Variants in TRAPPC11 observed in about 807,000 individuals in gnomAD.
TRAPPC11 encodes trafficking protein particle complex subunit 11, also known as foie gras homolog.
A neutral mutation model predicts 151.2 loss-of-function variants in TRAPPC11; 104 were observed. The observed-to-expected ratio is 0.69, with a 90% confidence interval of 0.59 to 0.81. The LOEUF is 0.81. Ranked by LOEUF, TRAPPC11 falls within the 30% of genes least tolerant of loss-of-function variation. The probability of loss-of-function intolerance (pLI) is 0.00; values close to 1 mark genes in which losing one functional copy is unlikely to be tolerated. For missense variants in TRAPPC11, 1,230 were observed against 1,349.6 expected, an observed-to-expected ratio of 0.91 and a Z score of 1.39; for synonymous variants, 456 against 472.3, an observed-to-expected ratio of 0.97 and a Z score of 0.45.
chr4:183,660,683 A>C lies in TRAPPC11; in HGVS notation c.-22+1236A>C, dbSNP rs1374147275. On this transcript the variant is annotated intron_variant, in intron 1 of 29. Transcript: ENST00000334690. ...TAGTCTAGACTCGTTCATATTAAGC[A>C]AAGGGGCCCGTATTGTATTTTGGTC... 3.9e-5 allele frequency among the ~76,000 whole-genome samples: 6 copies of C among 152,172 alleles called. No individual in the cohort carries two copies. In the South Asian group the frequency reaches 6.2e-4, roughly 16 times the overall value.
chr4:183,691,581 G>T, intron 19 of TRAPPC11, 110 bp downstream of exon 19: 1 of 629,616 alleles, frequency 1.6e-6, no homozygotes. Context: ...TCTGCTACTT[G>T]GACTTCCTAA....
intron 7 of TRAPPC11, among the ~76,000 whole-genome samples, chr4:183,676,624 C>T (rs1735424557): frequency 6.6e-6 from 1 of 152,214 alleles, no homozygotes; most frequent in Admixed American, 6.5e-5. Context: ...GCCCTGTTCC[C>T]AGCAGGCCCT....
intron 29 of TRAPPC11, among the ~76,000 whole-genome samples, chr4:183,712,144 T>C (rs1737366795): frequency 6.6e-6 from 1 of 152,178 alleles, no homozygotes; most frequent in South Asian, 2.1e-4. Context: ...GGAACTTACC[T>C]GTCAGCTCAG....
chr4:183,685,131 A>G lies in TRAPPC11; in HGVS notation c.1615A>G (p.Ile539Val), dbSNP rs1389363919. 1 of 1,613,994 alleles carries G rather than the reference A, an allele frequency of 6.2e-7. No homozygotes were observed. ...DQKSRIEKNL[I>V]NVLMNESPDP... Reference sequence around the variant, plus strand: ...GAAGTCTCGGATAGAAAAGAACCTCATAAATGTTTTAATGGTAGGTTGGAA... The same window carrying G: ...GAAGTCTCGGATAGAAAAGAACCTCGTAAATGTTTTAATGGTAGGTTGGAA... The change falls in exon 16 of 30, where the codon ATA becomes GTA. Residue 539 changes from isoleucine (I) to valine (V), a missense_variant. Coordinates refer to ENST00000334690, the MANE Select transcript of TRAPPC11 (RefSeq NM_021942.6).
At chr4:183,710,344 T>C (rs889712762) in intron 29 of TRAPPC11, among the ~76,000 whole-genome samples, 1 of 151,872 alleles carries the variant, frequency 6.6e-6, no homozygotes, top group Non-Finnish European at 1.5e-5. Context: ...TGGAGTGCAG[T>C]GGCCCGATGT....
intron 18 of TRAPPC11, among the ~76,000 whole-genome samples, chr4:183,690,408 A>C (rs1736203074): frequency 6.6e-6 from 1 of 152,198 alleles, no homozygotes; most frequent in South Asian, 2.1e-4. Context: ...CATAGATAGA[A>C]ACATGAAAGC....
chr4:183,687,864 C>T (rs1187763254), intron 18 of TRAPPC11, among the ~76,000 whole-genome samples: 3 of 152,182 alleles, frequency 2.0e-5, no homozygotes, highest in Non-Finnish European at 2.9e-5. Flanking sequence ...ACACCCTCTA[C>T]GTTAACTTCT....
At chr4:183,665,283 A>G (rs1734811481) in intron 2 of TRAPPC11, among the ~76,000 whole-genome samples, 2 of 151,756 alleles carry the variant, frequency 1.3e-5, no homozygotes, top group East Asian at 1.9e-4. Context: ...TTTAGTAGAG[A>G]CGGGGTTTCA....
At chr4:183,681,776 AAG>A (rs1400122570) in intron 10 of TRAPPC11, among the ~76,000 whole-genome samples, 5 of 122,168 alleles carry the variant, frequency 4.1e-5, no homozygotes, top group South Asian at 3.5e-4. Context: ...CTGTCTCAAA[AAG>A]AAAAAAAAAG....
intron 11 of TRAPPC11, 106 bp from the exon 12 acceptor site, chr4:183,683,869 A>G (rs1472139272): frequency 1.1e-6 from 1 of 903,458 alleles, no homozygotes; most frequent in African/African-American, 1.7e-5. Flanking sequence ...AGAGTCTGAA[A>G]TGATTATATT....
chr4:183,682,731 G>C lies in TRAPPC11; in HGVS notation c.1114-1G>C. 2 of 1,601,216 alleles carry C rather than the reference G, an allele frequency of 1.2e-6. No individual in the cohort carries two copies. Among genetic ancestry groups the C allele is most frequent in the Non-Finnish European group, 1.7e-6 (2 of 1,172,438 alleles). ...ATTTAGGTTTGTGTTTTAATTTACA[G>C]GCTTCTGTAATGTATCCCAATCCTG... On this transcript the variant is annotated splice_acceptor_variant, in intron 10 of 29. Coordinates refer to ENST00000334690, the MANE Select transcript of TRAPPC11 (RefSeq NM_021942.6). LOFTEE classifies it high-confidence loss of function.
rs1249626806 is a variant in TRAPPC11 at position 183,667,070 on chromosome 4, C to T, written c.385C>T (p.Gln129Ter). The T allele has an allele frequency of 1.3e-6, 2 of 1,595,032 alleles. No individual in the cohort carries two copies. Among genetic ancestry groups the T allele is most frequent in the East Asian group, 2.2e-5 (1 of 44,622 alleles). ...TRVEIVRQSLQGRNTKVAVVL... is the reference protein window; with the variant it reads ...TRVEIVRQSL The stretch of plus-strand genomic sequence containing the variant: ...GCTTTTTCATTGCAGGCAAAGTTTA[C>T]AAGGAAGAAACACAAAAGTTGCAGT... The change falls in exon 4 of 30, where the codon CAA (glutamine) becomes TAA (stop). Residue 129 changes from glutamine to a stop codon, truncating the protein, a stop_gained. Transcript: ENST00000334690. LOFTEE classifies it high-confidence loss of function.
At chr4:183,689,686 G>A (rs1736158067) in intron 18 of TRAPPC11, among the ~76,000 whole-genome samples, 2 of 146,490 alleles carry the variant, frequency 1.4e-5, no homozygotes, top group South Asian at 4.3e-4. Flanking sequence ...GTGCAGTGAT[G>A]TGATCATAAC....
intron 29 of TRAPPC11, among the ~76,000 whole-genome samples, chr4:183,709,648 A>G (rs1737243934): frequency 6.6e-6 from 1 of 152,012 alleles, no homozygotes; most frequent in Non-Finnish European, 1.5e-5. Context: ...GGTGGCAGGC[A>G]CCTGTAGTTC....
Position 183,697,731 on chromosome 4 carries a change from A to G in TRAPPC11, c.2747A>G (p.Asp916Gly), listed in dbSNP as rs1197522127. Reference sequence around the variant, plus strand: ...GACATCCCCTTTCTGTTGATGACGGACCTCTTAAGTGCCTCACCCTGGGCC... The same window carrying G: ...GACATCCCCTTTCTGTTGATGACGGGCCTCTTAAGTGCCTCACCCTGGGCC... ...YADIPFLLMT[D>G]LLSASPWALT... The change falls in exon 25 of 30, where the codon GAC becomes GGC. Residue 916 changes from aspartate to glycine, a missense_variant. Physicochemically the swap from Asp to Gly is moderately conservative, Grantham distance 94. Coordinates refer to ENST00000334690, the MANE Select transcript of TRAPPC11 (RefSeq NM_021942.6). The G allele has an allele frequency of 1.2e-6, 2 of 1,614,090 alleles. No individual in the cohort carries two copies. The highest frequency in any genetic ancestry group is 1.7e-6 in the Non-Finnish European group (2 of 1,180,026).
At chr4:183,687,734 A>C (rs1736054592) in intron 18 of TRAPPC11, among the ~76,000 whole-genome samples, 1 of 152,364 alleles carries the variant, frequency 6.6e-6, no homozygotes, top group Non-Finnish European at 1.5e-5. Flanking sequence ...ATTATTAGTT[A>C]ATGTTATTAG....
At chr4:183,686,525 G>A (rs1161601977) in intron 17 of TRAPPC11, 93 bp from the exon 18 acceptor site, 8 of 1,444,218 alleles carry the variant, frequency 5.5e-6, no homozygotes, top group East Asian at 4.6e-5. Flanking sequence ...CAGTGCAGAT[G>A]TGTCTTTCTG....
intron 5 of TRAPPC11, among the ~76,000 whole-genome samples, chr4:183,674,106 G>C (rs1735290436): frequency 6.6e-6 from 1 of 151,950 alleles, no homozygotes; most frequent in African/African-American, 2.4e-5. Context: ...TGTGCTTTTA[G>C]AGATTCCAAT....
chr4:183,702,085 T>G (rs1736828900), intron 26 of TRAPPC11, among the ~76,000 whole-genome samples: 1 of 152,226 alleles, frequency 6.6e-6, no homozygotes, highest in African/African-American at 2.4e-5. Flanking sequence ...GGCTCCCACC[T>G]GTAATCCCAG....
Sources: gnomAD v4.1 joint callset for allele counts (sites outside exome capture counted in the v4.1 genomes callset) on GRCh38, gnomAD v4.1.1 for gene constraint, MANE v1.5 for transcripts, NCBI Gene and HGNC (gene_info 2026-07-23, HGNC 2026-07-21) for gene names.